ATOSA: variants seen among roughly 807,000 people sequenced by gnomAD.
ATOSA encodes the protein atos homolog protein A.
chr15:52,701,299 C>A, the ATOSA span, among the ~76,000 whole-genome samples: 3 of 151,992 alleles, frequency 2.0e-5, no homozygotes, highest in Non-Finnish European at 2.9e-5. Context: ...ATTAACCAGG[C>A]ATGGTGGTCT....
At chr15:52,670,388 G>A in the ATOSA span, among the ~76,000 whole-genome samples, 2 of 152,106 alleles carry the variant, frequency 1.3e-5, no homozygotes, top group Non-Finnish European at 2.9e-5. Flanking sequence ...CGGTATTAGA[G>A]CAAAAAACAA....
the ATOSA span, chr15:52,651,990 C>T: frequency 3.9e-6 from 6 of 1,527,936 alleles, 1 homozygote; most frequent in East Asian, 2.4e-5. Flanking sequence ...ATGTCTGCAG[C>T]GGTTAAAACA....
chr15:52,589,323 AG>A, the ATOSA span, among the ~76,000 whole-genome samples: 1 of 152,182 alleles, frequency 6.6e-6, no homozygotes, highest in Non-Finnish European at 1.5e-5. Flanking sequence ...TTTTCTTCCT[AG>A]TTTCAGAAAG....
At chr15:52,582,896 G>GTCC in the ATOSA span, among the ~76,000 whole-genome samples, 1 of 152,226 alleles carries the variant, frequency 6.6e-6, no homozygotes, top group African/African-American at 2.4e-5. Context: ...GCTAATATCT[G>GTCC]TAATACAGTG....
the ATOSA span, chr15:52,656,959 T>C: frequency 1.3e-5 from 2 of 152,160 alleles, no homozygotes; most frequent in Admixed American, 6.5e-5. Flanking sequence ...CAATCTGAAA[T>C]TGAAAACCAA....
At chr15:52,643,354 C>A in the ATOSA span, among the ~76,000 whole-genome samples, 4 of 152,114 alleles carry the variant, frequency 2.6e-5, no homozygotes, top group Admixed American at 6.5e-5. Context: ...TACAGTGGCA[C>A]AATCATACCT....
chr15:52,600,312 T>C, the ATOSA span: 1 of 846,434 alleles, frequency 1.2e-6, no homozygotes, highest in Non-Finnish European at 1.9e-6. Flanking sequence ...AGGGTCTCAC[T>C]CTGTCACCCA....
chr15:52,618,330 C>T, the ATOSA span, among the ~76,000 whole-genome samples: 3 of 152,154 alleles, frequency 2.0e-5, no homozygotes, highest in Admixed American at 1.3e-4. Context: ...TGTGCCACTG[C>T]GCCTGGCCCA....
At chr15:52,642,770 G>A in the ATOSA span, among the ~76,000 whole-genome samples, 2 of 152,152 alleles carry the variant, frequency 1.3e-5, no homozygotes, top group African/African-American at 4.8e-5. Context: ...AACGCTGGAT[G>A]CATAAAGGGG....
At chr15:52,697,651 C>T in the ATOSA span, among the ~76,000 whole-genome samples, 5 of 151,696 alleles carry the variant, frequency 3.3e-5, no homozygotes, top group Admixed American at 2.0e-4. Flanking sequence ...TGTTTGCAAA[C>T]CAGACTAGAA....
the ATOSA span, among the ~76,000 whole-genome samples, chr15:52,653,143 G>A: frequency 2.6e-5 from 4 of 152,154 alleles, no homozygotes; most frequent in Non-Finnish European, 1.5e-5. Flanking sequence ...GTAGGCTGAG[G>A]CCGCAGCAGA....
chr15:52,586,265 T>C, the ATOSA span: 48 of 152,228 alleles, frequency 3.2e-4, no homozygotes, highest in African/African-American at 5.3e-4. Flanking sequence ...TATATATATA[T>C]ACACACACGT....
At chr15:52,621,679 ACTCT>A in the ATOSA span, among the ~76,000 whole-genome samples, 2 of 151,126 alleles carry the variant, frequency 1.3e-5, no homozygotes, top group Non-Finnish European at 3.0e-5. Context: ...CCCTGCATAC[ACTCT>A]CTCTTGCTTG....
the ATOSA span, chr15:52,611,362 T>G: frequency 7.1e-7 from 1 of 1,405,910 alleles, no homozygotes; most frequent in East Asian, 2.3e-5. Flanking sequence ...GATTTGTGCT[T>G]TGAAGAGCAT....
At chr15:52,622,571 G>C in the ATOSA span, among the ~76,000 whole-genome samples, 3 of 152,160 alleles carry the variant, frequency 2.0e-5, no homozygotes, top group African/African-American at 7.2e-5. Flanking sequence ...CAGATGCTAA[G>C]TACTATGCCA....
chr15:52,613,882 T>G, the ATOSA span: 1 of 1,599,780 alleles, frequency 6.3e-7, no homozygotes, highest in Non-Finnish European at 8.5e-7. Flanking sequence ...GGGCAAAGGG[T>G]CCTCAATTTA....
the ATOSA span, among the ~76,000 whole-genome samples, chr15:52,653,098 G>A: frequency 5.3e-5 from 8 of 152,162 alleles, 1 homozygote; most frequent in Non-Finnish European, 8.8e-5. Context: ...ATCAGTGGTG[G>A]CTCTAGGATT....
At chr15:52,652,312 T>C in the ATOSA span, among the ~76,000 whole-genome samples, 1 of 152,166 alleles carries the variant, frequency 6.6e-6, no homozygotes, top group Non-Finnish European at 1.5e-5. Flanking sequence ...AACAGAGAAA[T>C]TCGTAAGACA....
chr15:52,648,773 C>T, the ATOSA span: 1 of 152,110 alleles, frequency 6.6e-6, no homozygotes, highest in Non-Finnish European at 1.5e-5. Context: ...GAGGCCCATC[C>T]ATGTATGAGC....
Sources: gnomAD v4.1 joint callset for allele counts (sites outside exome capture counted in the v4.1 genomes callset) on GRCh38, gnomAD v4.1.1 for gene constraint, MANE v1.5 for transcripts, NCBI Gene and HGNC (gene_info 2026-07-23, HGNC 2026-07-21) for gene names.